Variants in SPAG16 observed in about 807,000 individuals in gnomAD.
SPAG16 encodes sperm associated antigen 16.
SPAG16 carries 86 observed loss-of-function variants against 80.4 expected under a neutral mutation model. The ratio of observed to expected loss-of-function variants is 1.07; its 90% confidence interval spans 0.90 to 1.28. The LOEUF is 1.28. Among genes scored for constraint, SPAG16 ranks in the 50% most tolerant of loss-of-function variants. The pLI is 0.00. For synonymous variants in SPAG16, 294 were observed against 265.9 expected, an observed-to-expected ratio of 1.11 and a Z score of -1.03; for missense variants, 870 against 765.3, an observed-to-expected ratio of 1.14 and a Z score of -1.61.
At chr2:214,305,740 C>T (rs1694867845) in intron 15 of SPAG16, among the ~76,000 whole-genome samples, 1 of 151,954 alleles carries the variant, frequency 6.6e-6, no homozygotes, top group African/African-American at 2.4e-5. Context: ...TGTGTCTATT[C>T]TTTTACCAGA....
chr2:213,615,582 C>A (rs1276358542), intron 10 of SPAG16, among the ~76,000 whole-genome samples: 1 of 152,072 alleles, frequency 6.6e-6, no homozygotes, highest in South Asian at 2.1e-4. Context: ...CAAAGCAAGA[C>A]TATCTAAAAA....
intron 13 of SPAG16, among the ~76,000 whole-genome samples, chr2:214,089,570 T>C (rs1439615295): frequency 6.6e-6 from 1 of 151,708 alleles, no homozygotes; most frequent in East Asian, 1.9e-4. Flanking sequence ...TAAATTACCA[T>C]CTCTCACCGA....
rs927180891 is a variant in SPAG16, at chr2:213,669,343, T to A, written c.1070+179253T>A. On this transcript the variant is annotated intron_variant, in intron 10 of 15. Coordinates refer to ENST00000331683, the MANE Select transcript of SPAG16 (RefSeq NM_024532.5). ...AAGAGTAAACATTCTGCTTTTGTCA[T>A]GAGATACTGTTTTTTTGGCTATAGT... Among the ~76,000 whole-genome samples, 9 of 152,212 alleles carry A rather than the reference T, an allele frequency of 5.9e-5. 1 individual carries two copies. The highest frequency in any genetic ancestry group is 2.2e-4 in the African/African-American group (9 of 41,458).
At chr2:213,323,005 G>C (rs969533807) in intron 5 of SPAG16, among the ~76,000 whole-genome samples, 10 of 152,182 alleles carry the variant, frequency 6.6e-5, no homozygotes, top group Non-Finnish European at 1.2e-4. Flanking sequence ...CAGGTGGCAT[G>C]TGAAGCTAAT....
intron 12 of SPAG16, among the ~76,000 whole-genome samples, chr2:213,979,772 C>CT (rs1575713465): frequency 6.6e-5 from 10 of 152,068 alleles, no homozygotes. Flanking sequence ...CACCTAAAAT[C>CT]TTATGCCTTT....
At chr2:213,715,637 G>C (rs1369618477) in intron 10 of SPAG16, among the ~76,000 whole-genome samples, 1 of 152,138 alleles carries the variant, frequency 6.6e-6, no homozygotes, top group African/African-American at 2.4e-5. Context: ...CACAATTGCT[G>C]ACACACTATA....
intron 15 of SPAG16, among the ~76,000 whole-genome samples, chr2:214,373,517 T>C (rs1172826345): frequency 6.6e-6 from 1 of 152,186 alleles, no homozygotes; most frequent in Non-Finnish European, 1.5e-5. Flanking sequence ...AATTGTTAAA[T>C]AGGCTGTCCA....
Position 213,905,355 on chromosome 2 carries a change from G to A in SPAG16, c.1215-24605G>A, listed in dbSNP as rs373675683. 3.9e-5 allele frequency among the ~76,000 whole-genome samples: 6 copies of A among 152,234 alleles called. No individual in the cohort carries two copies. In the East Asian group the frequency reaches 7.7e-4, roughly 20 times the overall value. On this transcript the variant is annotated intron_variant, in intron 11 of 15. Transcript: ENST00000331683. ...ATAATAACTCGGGCAAAATTCAAAA[G>A]CAAATAGTTTACCATGTTATGAAAT...
intron 15 of SPAG16, among the ~76,000 whole-genome samples, chr2:214,361,693 A>G (rs966743881): frequency 3.3e-5 from 5 of 151,848 alleles, no homozygotes; most frequent in Admixed American, 6.6e-5. Flanking sequence ...ATAAAATTCT[A>G]CTTATCAGAG....
chr2:213,852,461 C>A (rs1029037642), intron 10 of SPAG16, among the ~76,000 whole-genome samples: 9 of 152,288 alleles, frequency 5.9e-5, no homozygotes, highest in African/African-American at 1.9e-4. Flanking sequence ...GCCTTCCTCT[C>A]GCTCCCTATC....
chr2:213,346,040 A>C (rs1006625642), intron 6 of SPAG16, among the ~76,000 whole-genome samples: 2 of 151,930 alleles, frequency 1.3e-5, no homozygotes, highest in African/African-American at 2.4e-5. Flanking sequence ...ATTTGTTTGT[A>C]TCCTCTTTTA....
intron 10 of SPAG16, among the ~76,000 whole-genome samples, chr2:213,661,201 A>G (rs572536000): frequency 6.6e-6 from 1 of 152,330 alleles, no homozygotes; most frequent in African/African-American, 2.4e-5. Context: ...TTACCTAAGT[A>G]TGAAAATAAA....
chr2:214,287,166 T>A (rs917459347), intron 15 of SPAG16, among the ~76,000 whole-genome samples: 1 of 152,220 alleles, frequency 6.6e-6, no homozygotes, highest in African/African-American at 2.4e-5. Context: ...CCTGTTACTT[T>A]CTGAACCATT....
At chr2:213,632,170 A>G (rs2062182030) in intron 10 of SPAG16, among the ~76,000 whole-genome samples, 1 of 152,052 alleles carries the variant, frequency 6.6e-6, no homozygotes, top group Non-Finnish European at 1.5e-5. Flanking sequence ...TCAGTTTTTT[A>G]CAGTTTTCAT....
intron 15 of SPAG16, among the ~76,000 whole-genome samples, chr2:214,235,903 A>G (rs371290083): frequency 6.6e-6 from 1 of 152,266 alleles, no homozygotes; most frequent in East Asian, 1.9e-4. Flanking sequence ...GTACAATTAG[A>G]ATTTGTGTCT....
intron 15 of SPAG16, among the ~76,000 whole-genome samples, chr2:214,187,358 A>G (rs555690163): frequency 1.8e-4 from 27 of 152,232 alleles, no homozygotes; most frequent in Non-Finnish European, 2.8e-4. Flanking sequence ...GCAATATTTT[A>G]TATGGGCAAG....
At chr2:214,177,971 G>GTATA (rs34460783) in intron 15 of SPAG16, among the ~76,000 whole-genome samples, 1,070 of 58,540 alleles carry the variant, frequency 0.018, 9 homozygotes, top group South Asian at 0.035. Context: ...CAAAGTGTAT[G>GTATA]TATATATATA....
At chr2:214,002,040 G>A (rs991720282) in intron 12 of SPAG16, among the ~76,000 whole-genome samples, 3 of 152,088 alleles carry the variant, frequency 2.0e-5, no homozygotes, top group Non-Finnish European at 4.4e-5. Flanking sequence ...CCGAGCGAAA[G>A]GGGTTTCCCC....
At chr2:213,300,520 A>G (rs1303050095) in intron 3 of SPAG16, among the ~76,000 whole-genome samples, 1 of 152,202 alleles carries the variant, frequency 6.6e-6, no homozygotes, top group East Asian at 1.9e-4. Context: ...ATGTAGCTCA[A>G]CTGAGACAAC....
Sources: allele counts gnomAD v4.1 joint callset (sites outside exome capture counted in the v4.1 genomes callset), GRCh38; gene constraint gnomAD v4.1.1; transcripts MANE v1.5; gene names NCBI Gene and HGNC (gene_info 2026-07-23, HGNC 2026-07-21).